The following CELSR1 variants were observed in gnomAD, a reference collection of about 807,000 sequenced individuals.
CELSR1 encodes the protein cadherin EGF LAG seven-pass G-type receptor 1.
A neutral mutation model predicts 249.1 loss-of-function variants in CELSR1; 110 were observed. The ratio of observed to expected loss-of-function variants is 0.44; its 90% CI spans 0.38 to 0.52. The LOEUF (loss-of-function observed/expected upper bound fraction) is 0.52, where lower values mean the gene tolerates loss of function less well. Among genes scored for constraint, CELSR1 ranks in the 20% least tolerant of loss-of-function variants. The pLI is 0.00. For missense variants in CELSR1, 4,109 were observed against 4,296.4 expected (o/e 0.96, Z 1.22); for synonymous variants, 2,113 against 1,900.0 (o/e 1.11, Z -2.92).
rs2079421857 is a variant in CELSR1 at position 46,417,908 on chromosome 22, T to C, written c.4612-6149A>G. On this transcript the variant is annotated intron_variant, in intron 5 of 34. Transcript: ENST00000674500. This position sits in a 1 kb window ranked among gnomAD's most constrained non-coding sequence, Gnocchi z 4.1. ...CGGCGGGGGGCTCACAGGACAGCAG[T>C]GTCCACAGCATCCAATGGACATCAC... Among the ~76,000 whole-genome samples the C allele has an allele frequency of 6.6e-6, 1 of 152,212 alleles. No homozygotes were observed.
chr22:46,515,307 C>A (rs867630172), intron 1 of CELSR1, among the ~76,000 whole-genome samples: 1 of 152,256 alleles, frequency 6.6e-6, no homozygotes, highest in African/African-American at 2.4e-5. Context: ...GGCAGCACAG[C>A]TGGAACCACA....
intron 13 of CELSR1, 41 bp from the exon 14 acceptor site, chr22:46,394,303 C>G: frequency 6.9e-6 from 11 of 1,587,040 alleles, no homozygotes; most frequent in Non-Finnish European, 8.6e-6. Flanking sequence ...GTTTATGTAA[C>G]TGTGCTTTCT....
rs754168958 is a variant in CELSR1, at chr22:46,372,872, T to C, written c.7759+11A>G. 3.1e-6 allele frequency: 5 copies of C among 1,597,518 alleles called. No individual in the cohort carries two copies. Among genetic ancestry groups the C allele is most frequent in the Non-Finnish European group, 4.3e-6 (5 of 1,170,118 alleles). On this transcript the variant is annotated intron_variant, in intron 25 of 34. Coordinates refer to ENST00000674500, the MANE Select transcript of CELSR1 (RefSeq NM_001378328.1). ...TGTGGTTTTATGCAGGGCCACTCTG[T>C]GCATCCTCACCTGTGACAATGGCCG...
intron 1 of CELSR1, among the ~76,000 whole-genome samples, chr22:46,493,348 C>T (rs2080385331): frequency 6.6e-6 from 1 of 152,006 alleles, no homozygotes; most frequent in African/African-American, 2.4e-5. Context: ...GAGATCAAGA[C>T]CATCCTGGCT....
chr22:46,515,725 C>T (rs1233935508), intron 1 of CELSR1, among the ~76,000 whole-genome samples: 2 of 152,184 alleles, frequency 1.3e-5, no homozygotes, highest in Non-Finnish European at 2.9e-5. Context: ...GCCTGGCAGG[C>T]TCCTATCTGT....
intron 5 of CELSR1, among the ~76,000 whole-genome samples, chr22:46,431,567 G>A (rs1434388575): frequency 1.3e-5 from 2 of 152,198 alleles, no homozygotes; most frequent in African/African-American, 4.8e-5. Flanking sequence ...CCCAGCCCTT[G>A]GGAGGCACCA....
In CELSR1 at chr22:46,362,957, C is replaced by G. The variant is rs1377755133; in HGVS notation, c.*266G>C. Reference sequence around the variant, plus strand: ...GACTCAGCGGTGCTGGCCCAGTGGTCCACGCCTCCCTCATGCCTGTGGCCT... The same window carrying G: ...GACTCAGCGGTGCTGGCCCAGTGGTGCACGCCTCCCTCATGCCTGTGGCCT... On this transcript the variant is annotated 3_prime_UTR_variant, in exon 35 of 35. Transcript: ENST00000674500. 4 of 612,722 alleles carry G rather than the reference C, an allele frequency of 6.5e-6. No homozygotes were observed. The highest frequency in any genetic ancestry group is 1.1e-5 in the Non-Finnish European group (4 of 351,652). The allele number at this position is 612,722 out of a possible 1,614,324, so 38.0% of individuals were successfully genotyped here.
At chr22:46,523,783 G>A (rs2080710164) in intron 1 of CELSR1, among the ~76,000 whole-genome samples, 1 of 152,004 alleles carries the variant, frequency 6.6e-6, no homozygotes, top group African/African-American at 2.4e-5. Flanking sequence ...GCTCTGACCA[G>A]TGACATGCCT....
In CELSR1 at chr22:46,447,806, G is replaced by A. The variant is rs1358599017; in HGVS notation, c.4184-8395C>T. ...GGCTAATTTTTGTATTTTAAGTAGA[G>A]ACGGGGTTTCACCATGTTGGCCAGG... On this transcript the variant is annotated intron_variant, in intron 2 of 34. Transcript: ENST00000674500. This position sits in a 1 kb window ranked among gnomAD's most constrained non-coding sequence, Gnocchi z 4.7. Among the ~76,000 whole-genome samples, 1 of 152,156 alleles carries A rather than the reference G, an allele frequency of 6.6e-6. No individual in the cohort carries two copies. The highest frequency in any genetic ancestry group is 6.5e-5 in the Admixed American group (1 of 15,280).
chr22:46,444,924 G>C (rs572467132), intron 2 of CELSR1, among the ~76,000 whole-genome samples: 1 of 152,344 alleles, frequency 6.6e-6, no homozygotes, highest in South Asian at 2.1e-4. Flanking sequence ...AAAGACACCA[G>C]GCCGGGAGCG....
chr22:46,449,317 CCATCCATCCATCCAACCACATCACA>C (rs1473110326), intron 2 of CELSR1, among the ~76,000 whole-genome samples: 18 of 151,336 alleles, frequency 1.2e-4, no homozygotes, highest in African/African-American at 4.4e-4. Flanking sequence ...ACACATCCAT[CCATCCATCCATCCAACCACATCACA>C]CATCCATCCA....
rs564054861 is a variant in CELSR1 at position 46,508,863 on chromosome 22, G to A, written c.3544+24764C>T. On this transcript the variant is annotated intron_variant, in intron 1 of 34. Transcript: ENST00000674500. ...CTGTGAACCTGGGAAACTGGGCCCC[G>A]GGGACCGCCATGCAGTCAGACCCTG... is the stretch of plus-strand genomic sequence containing the variant. Among the ~76,000 whole-genome samples, 265 of 152,230 alleles carry A rather than the reference G, an allele frequency of 1.7e-3. 2 individuals are homozygous for A. The highest frequency in any genetic ancestry group is 6.0e-3 in the African/African-American group (250 of 41,536).
Position 46,369,786 on chromosome 22 carries a change from T to C in CELSR1, c.7778A>G (p.Asp2593Gly). Residue 2593 changes from aspartate (D) to glycine (G), a missense_variant, in exon 26 of 35, where the codon GAC becomes GGC. Coordinates refer to ENST00000674500, the MANE Select transcript of CELSR1 (RefSeq NM_001378328.1). ...AIVTGLAVGL[D>G]PQGYGNPDFC... ...GTCGGGGTTCCCGTAGCCCTGGGGG[T>C]CCAGGCCGACCGCCAGTCCTGAACA... is the stretch of plus-strand genomic sequence containing the variant. 6.2e-7 allele frequency: 1 copy of C among 1,612,594 alleles called. No homozygotes were observed. Among genetic ancestry groups the C allele is most frequent in the Non-Finnish European group, 8.5e-7 (1 of 1,179,866 alleles).
chr22:46,456,162 C>T (rs760513433), intron 2 of CELSR1, among the ~76,000 whole-genome samples: 1 of 152,258 alleles, frequency 6.6e-6, no homozygotes, highest in Non-Finnish European at 1.5e-5. Flanking sequence ...ACTAGGAATA[C>T]TTGGAAGTGA....
chr22:46,465,745 A>C (rs1316817462), intron 1 of CELSR1, among the ~76,000 whole-genome samples: 3 of 152,236 alleles, frequency 2.0e-5, no homozygotes, highest in Non-Finnish European at 2.9e-5. Flanking sequence ...GAAGCCACAG[A>C]TGCGTGCAGG....
chr22:46,515,368 C>T (rs1345556643), intron 1 of CELSR1, among the ~76,000 whole-genome samples: 2 of 152,240 alleles, frequency 1.3e-5, no homozygotes, highest in Non-Finnish European at 2.9e-5. Context: ...AGTGGATGCT[C>T]CCAAGTCACA....
intron 1 of CELSR1, chr22:46,481,788 T>C (rs2080269387): frequency 5.9e-6 from 2 of 339,096 alleles, no homozygotes; most frequent in Non-Finnish European, 1.1e-5. Context: ...CTAAATCTTT[T>C]TTTTTTTTTT....
intron 1 of CELSR1, among the ~76,000 whole-genome samples, chr22:46,479,519 C>A (rs567090168): frequency 2.4e-4 from 36 of 150,368 alleles, no homozygotes; most frequent in African/African-American, 8.8e-4. Flanking sequence ...AAGCTCATCA[C>A]GGAGCCAGAG....
intron 1 of CELSR1, among the ~76,000 whole-genome samples, chr22:46,495,686 G>A (rs2080406266): frequency 6.6e-6 from 1 of 151,956 alleles, no homozygotes; most frequent in Admixed American, 6.6e-5. Flanking sequence ...CATGGTGGTG[G>A]GCGCCTATAG....
Sources: allele counts gnomAD v4.1 joint callset (sites outside exome capture counted in the v4.1 genomes callset), GRCh38; gene constraint gnomAD v4.1.1; non-coding constraint Gnocchi (gnomAD v3.1); transcripts MANE v1.5; gene names NCBI Gene and HGNC (gene_info 2026-07-23, HGNC 2026-07-21).